Variants in TBC1D19 observed in about 807,000 individuals in gnomAD.
TBC1D19 encodes the protein TBC1 domain family, member 19.
TBC1D19 carries 60 observed loss-of-function variants against 89.0 expected under a neutral mutation model. The observed-to-expected ratio is 0.67, with a 90% confidence interval of 0.55 to 0.84. The LOEUF is 0.84. Ranked by LOEUF, TBC1D19 falls within the 40% of genes least tolerant of loss-of-function variation. The probability of loss-of-function intolerance (pLI) is 0.00; values close to 1 mark genes in which losing one functional copy is unlikely to be tolerated. For synonymous variants in TBC1D19, 189 were observed against 199.7 expected, an observed-to-expected ratio of 0.95 and a Z score of 0.45; for missense variants, 500 against 610.8, an observed-to-expected ratio of 0.82 and a Z score of 1.91.
intron 15 of TBC1D19, among the ~76,000 whole-genome samples, chr4:26,722,889 A>G (rs1197919770): frequency 6.6e-6 from 1 of 152,168 alleles, no homozygotes; most frequent in Admixed American, 6.5e-5. Flanking sequence ...CCTGCCCAAC[A>G]GGTGAGTGAC....
intron 8 of TBC1D19, among the ~76,000 whole-genome samples, chr4:26,660,988 A>ATAGAGCCT (rs1398372773): frequency 6.6e-6 from 1 of 152,178 alleles, no homozygotes; most frequent in Non-Finnish European, 1.5e-5. Context: ...GATTTTCTCC[A>ATAGAGCCT]TAGAGCCTTA....
At chr4:26,778,670 G>T in the TBC1D19 span, among the ~76,000 whole-genome samples, 16 of 152,168 alleles carry the variant, frequency 1.1e-4, no homozygotes, top group Middle Eastern at 3.4e-3. Context: ...ATGCCTTACA[G>T]TCTTGCTTCT....
At chr4:26,734,951 CATATGT>C (rs1449900109) in intron 15 of TBC1D19, among the ~76,000 whole-genome samples, 2 of 58,848 alleles carry the variant, frequency 3.4e-5, no homozygotes, top group African/African-American at 9.1e-5. Context: ...TATGTATACA[CATATGT>C]ATATGTATAT....
chr4:26,821,760 G>A, the TBC1D19 span, among the ~76,000 whole-genome samples: 1 of 152,228 alleles, frequency 6.6e-6, no homozygotes, highest in Admixed American at 6.5e-5. Flanking sequence ...TGGTCATGCT[G>A]GAAGTCCCTG....
chr4:26,705,858 T>G (rs571520720), intron 13 of TBC1D19, among the ~76,000 whole-genome samples: 5 of 152,246 alleles, frequency 3.3e-5, no homozygotes, highest in African/African-American at 1.2e-4. Context: ...TGTTTTCTAT[T>G]TTTTAATTGT....
chr4:26,842,000 GAGAA>G, the TBC1D19 span, among the ~76,000 whole-genome samples: 3 of 152,204 alleles, frequency 2.0e-5, no homozygotes, highest in East Asian at 1.9e-4. Flanking sequence ...CATGTTGAGA[GAGAA>G]AGAGAGATCT....
chr4:26,772,630 C>T, the TBC1D19 span, among the ~76,000 whole-genome samples: 2 of 152,138 alleles, frequency 1.3e-5, no homozygotes, highest in Non-Finnish European at 2.9e-5. Flanking sequence ...TCATCCCACA[C>T]CCCCAACAGA....
At chr4:26,620,721 C>T (rs758381967) in intron 4 of TBC1D19, 33 bp downstream of exon 4, 1 of 1,592,070 alleles carries the variant, frequency 6.3e-7, no homozygotes, top group South Asian at 1.1e-5. Context: ...TTTATTTTTT[C>T]ATGCCAAGTT....
chr4:26,688,539 A>G, intron 13 of TBC1D19, 132 bp downstream of exon 13: 1 of 1,214,430 alleles, frequency 8.2e-7, no homozygotes, highest in East Asian at 3.5e-5. Context: ...AAATGTTCTA[A>G]GTTTGGGATA....
the TBC1D19 span, among the ~76,000 whole-genome samples, chr4:26,765,767 GT>G: frequency 1.6e-4 from 25 of 152,094 alleles, no homozygotes; most frequent in African/African-American, 6.0e-4. Context: ...CACTACACTA[GT>G]TTGGTGACTC....
At chr4:26,640,372 A>C (rs955381742) in intron 7 of TBC1D19, among the ~76,000 whole-genome samples, 185 bp downstream of exon 7, 3 of 152,212 alleles carry the variant, frequency 2.0e-5, no homozygotes, top group Non-Finnish European at 4.4e-5. Context: ...GAATATGGAA[A>C]GATTAGCATT....
At chr4:26,822,670 T>C in the TBC1D19 span, among the ~76,000 whole-genome samples, 3 of 152,090 alleles carry the variant, frequency 2.0e-5, no homozygotes, top group African/African-American at 7.3e-5. Context: ...AACGTTGAGA[T>C]GCGGTTGAAG....
chr4:26,670,339 T>C (rs1231941070), intron 9 of TBC1D19, among the ~76,000 whole-genome samples: 1 of 151,448 alleles, frequency 6.6e-6, no homozygotes, highest in African/African-American at 2.4e-5. Flanking sequence ...TACAATAAAC[T>C]AAAAGAATAA....
chr4:26,687,961 T>A (rs538903596), intron 12 of TBC1D19, among the ~76,000 whole-genome samples: 1 of 152,282 alleles, frequency 6.6e-6, no homozygotes, highest in Admixed American at 6.5e-5. Context: ...TTTGTGGGAA[T>A]GGCAAGAATT....
chr4:26,804,557 C>T, the TBC1D19 span, among the ~76,000 whole-genome samples: 1 of 152,226 alleles, frequency 6.6e-6, no homozygotes, highest in Non-Finnish European at 1.5e-5. Flanking sequence ...CCAGTAGGAC[C>T]GCGGCTAAAT....
intron 1 of TBC1D19, among the ~76,000 whole-genome samples, chr4:26,589,206 T>G (rs531957809): frequency 6.6e-6 from 1 of 151,648 alleles, no homozygotes; most frequent in East Asian, 1.9e-4. Flanking sequence ...ACCCGGGAGG[T>G]GGAGGTTGCA....
At chr4:26,767,750 G>T in the TBC1D19 span, among the ~76,000 whole-genome samples, 1 of 152,170 alleles carries the variant, frequency 6.6e-6, no homozygotes, top group Non-Finnish European at 1.5e-5. Flanking sequence ...AGCTTGCACT[G>T]ATTAAGACAA....
chr4:26,841,374 A>G, the TBC1D19 span, among the ~76,000 whole-genome samples: 2 of 125,068 alleles, frequency 1.6e-5, no homozygotes, highest in African/African-American at 6.5e-5. Context: ...TGACAGAGTG[A>G]GACTCTGTCT....
intron 7 of TBC1D19, among the ~76,000 whole-genome samples, chr4:26,653,988 C>G (rs115708342): frequency 0.01 from 1,568 of 152,182 alleles, 17 homozygotes; most frequent in African/African-American, 0.033. Flanking sequence ...TTACAATTTG[C>G]CACGTTTTTG....
Sources: allele counts gnomAD v4.1 joint callset (sites outside exome capture counted in the v4.1 genomes callset), GRCh38; gene constraint gnomAD v4.1.1; transcripts MANE v1.5; gene names NCBI Gene and HGNC (gene_info 2026-07-23, HGNC 2026-07-21).